The following NINL variants were observed in gnomAD, a reference collection of about 807,000 sequenced individuals.
NINL encodes the protein ninein like, also known as ninein-like protein.
In NINL, 153 loss-of-function variants were observed where a neutral mutation model predicts 160.3. That is an observed-to-expected ratio of 0.95 (90% CI 0.84 to 1.09). The LOEUF is 1.09. Ranked by LOEUF, NINL falls within the 50% of genes least tolerant of loss-of-function variation. NINL has a pLI of 0.00. For missense variants in NINL, 1,829 were observed against 1,764.0 expected (o/e 1.04, Z -0.66); for synonymous variants, 800 against 734.8 (o/e 1.09, Z -1.43).
chr20:25,478,243 C>T (rs1411858075), intron 16 of NINL, among the ~76,000 whole-genome samples: 11 of 152,148 alleles, frequency 7.2e-5, no homozygotes, highest in Non-Finnish European at 1.3e-4. Context: ...CCACCGCATC[C>T]GGCCGGAAAG....
At chr20:25,540,472 G>T (rs1010136812) in intron 1 of NINL, among the ~76,000 whole-genome samples, 1 of 152,116 alleles carries the variant, frequency 6.6e-6, no homozygotes, top group Non-Finnish European at 1.5e-5. Flanking sequence ...ACAGTGACGA[G>T]GGAATTTAAG....
intron 1 of NINL, among the ~76,000 whole-genome samples, chr20:25,549,449 T>C (rs2064780865): frequency 6.6e-6 from 1 of 151,968 alleles, no homozygotes; most frequent in Admixed American, 6.6e-5. Flanking sequence ...CCCAGCCTCA[T>C]CCAGAATCCA....
chr20:25,479,867 C>G (rs972120482), intron 15 of NINL, among the ~76,000 whole-genome samples: 1 of 152,242 alleles, frequency 6.6e-6, no homozygotes, highest in Admixed American at 6.5e-5. Flanking sequence ...CACAGACCAG[C>G]AAGGAGGGCT....
Position 25,461,596 on chromosome 20 carries a change from G to C in NINL, c.3622C>G (p.Leu1208Val). 1 of 1,611,776 alleles carries C rather than the reference G, an allele frequency of 6.2e-7. No homozygotes were observed. The highest frequency in any genetic ancestry group is 8.5e-7 in the Non-Finnish European group (1 of 1,179,230). ...TGCAGGCTCTGATGTTCCTGATTCAGGCATTCAAGTTCAACTCTAAGTTTT... is the reference window on the plus strand; with the variant it reads ...TGCAGGCTCTGATGTTCCTGATTCACGCATTCAAGTTCAACTCTAAGTTTT... ...IQKLRVELEC[L>V]NQEHQSLQLP... is the part of the protein sequence containing the mutation. The change falls in exon 21 of 24, where the codon CTG (leucine) becomes GTG (valine). Residue 1208 changes from leucine (L) to valine (V), a missense_variant. Physicochemically the swap from Leu to Val is conservative, Grantham distance 32. Transcript: ENST00000278886.
chr20:25,530,821 C>T (rs1600286208), intron 1 of NINL, among the ~76,000 whole-genome samples: 1 of 152,110 alleles, frequency 6.6e-6, no homozygotes, highest in Non-Finnish European at 1.5e-5. Flanking sequence ...GGAGGCAGGG[C>T]AAGATCACAG....
chr20:25,456,190 C>G (rs8184631), intron 22 of NINL, among the ~76,000 whole-genome samples: 1 of 137,590 alleles, frequency 7.3e-6, no homozygotes, highest in African/African-American at 2.8e-5. Flanking sequence ...TTGCTGTGAG[C>G]CGAAATAGCA....
In NINL at chr20:25,480,252, C is replaced by T; in HGVS notation, c.1826G>A (p.Gly609Asp). ...GLGPAGISFL[G>D]NSAPVSIETE... is the part of the protein sequence containing the mutation. ...TTCTATACTCACTGGAGCAGAATTA[C>T]CCAGGAATGAAATGCCTGCAAACAA... is the stretch of plus-strand genomic sequence containing the variant. The change falls in exon 15 of 24, where the codon GGT (glycine) becomes GAT (aspartate). Residue 609 changes from glycine (G) to aspartate (D), a missense_variant. Physicochemically the swap from Gly to Asp is moderately conservative, Grantham distance 94. Transcript: ENST00000278886. 2 of 1,613,938 alleles carry T rather than the reference C, an allele frequency of 1.2e-6. No homozygotes were observed. The highest frequency in any genetic ancestry group is 1.7e-6 in the Non-Finnish European group (2 of 1,179,920).
Position 25,489,984 on chromosome 20 carries a change from T to C in NINL, c.1487A>G (p.Glu496Gly). The C allele has an allele frequency of 1.2e-6, 2 of 1,613,886 alleles. No homozygotes were observed. The highest frequency in any genetic ancestry group is 8.5e-7 in the Non-Finnish European group (1 of 1,179,852). The change falls in exon 12 of 24, where the codon GAA (glutamate) becomes GGA (glycine). Residue 496 changes from glutamate to glycine, a missense_variant and splice_region_variant. Glu to Gly is a moderately conservative substitution (Grantham distance 98). Coordinates refer to ENST00000278886, the MANE Select transcript of NINL (RefSeq NM_025176.6). ...AATCTCCTTCTGTAGGCGACTGTTTTCCTAGGAGACACAGGCCAGTGGCTC... is the reference window on the plus strand; with the variant it reads ...AATCTCCTTCTGTAGGCGACTGTTTCCCTAGGAGACACAGGCCAGTGGCTC... ...LREKLTLALKENSRLQKEIVE... is the reference protein window; with the variant it reads ...LREKLTLALKGNSRLQKEIVE...
rs1365555835 is a variant in NINL, at chr20:25,453,217, A to C, written c.*234T>G. The C allele has an allele frequency of 8.0e-6, 3 of 374,386 alleles. No homozygotes were observed. The highest frequency in any genetic ancestry group is 4.2e-5 in the East Asian group (1 of 24,090). 23.2% of individuals were successfully genotyped at this position (374,386 alleles called of 1,614,324 possible). On this transcript the variant is annotated 3_prime_UTR_variant, in exon 24 of 24. Transcript: ENST00000278886. ...CAAAACTGGGAATTTTGCCAAGGGA[A>C]ATTACTCAGGACCGCTAATAAAAAC...
intron 3 of NINL, among the ~76,000 whole-genome samples, chr20:25,514,037 C>T (rs2064120668): frequency 6.6e-6 from 1 of 152,210 alleles, no homozygotes; most frequent in Non-Finnish European, 1.5e-5. Flanking sequence ...AATTGGATAA[C>T]AGGCAGAAGT....
chr20:25,475,587 G>A (rs970873899), intron 17 of NINL, among the ~76,000 whole-genome samples: 8 of 152,156 alleles, frequency 5.3e-5, no homozygotes, highest in South Asian at 2.1e-4. Flanking sequence ...CTTTGGAAGC[G>A]AGGGCCGGGC....
At chr20:25,520,520 G>C (rs1193745559) in intron 2 of NINL, among the ~76,000 whole-genome samples, 2 of 152,158 alleles carry the variant, frequency 1.3e-5, no homozygotes, top group African/African-American at 2.4e-5. Context: ...GTTAAAATGT[G>C]AGCTCACTTT....
chr20:25,458,622 G>C lies in NINL; in HGVS notation c.3697-93C>G, dbSNP rs1253598735. On this transcript the variant is annotated intron_variant, in intron 21 of 23. Coordinates refer to ENST00000278886, the MANE Select transcript of NINL (RefSeq NM_025176.6). ...ATCCAAGGACACCCCCACCTGCAAG[G>C]GCAAGGAAAGCGTGTGCTCCCGAGT... 5.3e-6 allele frequency: 7 copies of C among 1,326,178 alleles called. No homozygotes were observed. In the South Asian group the frequency reaches 7.5e-5, roughly 14 times the overall value. 82.2% of individuals were successfully genotyped at this position (1,326,178 alleles called of 1,614,324 possible). A position where few individuals can be genotyped will look rare whatever the true frequency, so the allele number is the denominator to read the frequency against.
intron 18 of NINL, among the ~76,000 whole-genome samples, chr20:25,468,814 C>T (rs1242520944): frequency 6.2e-5 from 9 of 144,754 alleles, no homozygotes; most frequent in Admixed American, 6.1e-4. Context: ...CTGGTGGGCA[C>T]CCCCCTACCC....
At chr20:25,465,666 C>T (rs976308662) in intron 19 of NINL, among the ~76,000 whole-genome samples, 5 of 152,104 alleles carry the variant, frequency 3.3e-5, no homozygotes, top group Admixed American at 6.5e-5. Context: ...CAGGGACGGC[C>T]GTCAACGCTG....
rs773557458 is a variant in NINL, at chr20:25,482,082, C to T, written c.1696G>A (p.Asp566Asn). Residue 566 changes from aspartate (D) to asparagine (N), a missense_variant, in exon 14 of 24, where the codon GAT becomes AAT. Transcript: ENST00000278886. The part of the protein sequence containing the change: ...LKCRDLQDRN[D>N]ELQAELEGLW... Reference sequence around the variant, plus strand: ...CCTTCCAGCTCAGCTTGCAGCTCATCGTTGCGGTCCTGCAGGTCCTGTGGG... The same window carrying T: ...CCTTCCAGCTCAGCTTGCAGCTCATTGTTGCGGTCCTGCAGGTCCTGTGGG... The T allele has an allele frequency of 4.4e-6, 7 of 1,597,908 alleles. No individual in the cohort carries two copies. The highest frequency in any genetic ancestry group is 4.0e-5 in the African/African-American group (3 of 74,902).
chr20:25,530,552 G>A lies in NINL; in HGVS notation c.-11-3954C>T, dbSNP rs145275612. Among the ~76,000 whole-genome samples the A allele has an allele frequency of 3.3e-3, 496 of 152,174 alleles. 12 individuals carry two copies. The East Asian group carries it at 0.05, about 15-fold the overall frequency. On this transcript the variant is annotated intron_variant, in intron 1 of 23. Transcript: ENST00000278886. ...CAGATATTGGGCAAAATTCACCCCC[G>A]ATATTTCACATAGGTTCTTTTCTAT...
chr20:25,467,543 C>A, intron 18 of NINL, 85 bp from the exon 19 acceptor site: 1 of 1,043,574 alleles, frequency 9.6e-7, no homozygotes, highest in Admixed American at 1.7e-5. Context: ...GTAAGAGCAG[C>A]ATGGGGGTTT....
At chr20:25,579,221 G>A (rs2065147573) in intron 1 of NINL, among the ~76,000 whole-genome samples, 1 of 152,208 alleles carries the variant, frequency 6.6e-6, no homozygotes, top group Admixed American at 6.5e-5. Flanking sequence ...CCAGACCGGA[G>A]CACCCCTGAC....
Sources: gnomAD v4.1 joint callset for allele counts (sites outside exome capture counted in the v4.1 genomes callset) on GRCh38, gnomAD v4.1.1 for gene constraint, MANE v1.5 for transcripts, NCBI Gene and HGNC (gene_info 2026-07-23, HGNC 2026-07-21) for gene names.